PTPRN2: variants seen among roughly 807,000 people sequenced by gnomAD.
PTPRN2 encodes the protein receptor-type tyrosine-protein phosphatase N2.
Under a neutral mutation model 118.8 loss-of-function variants are expected in PTPRN2, and 74 were observed. The observed-to-expected ratio is 0.62, with a 90% CI of 0.52 to 0.76. The LOEUF is 0.76. PTPRN2 is among the 30% of genes least tolerant of loss of function. The pLI is 0.00. For missense variants in PTPRN2, 1,481 were observed against 1,394.4 expected, an observed-to-expected ratio of 1.06 and a Z score of -0.99; for synonymous variants, 641 against 608.0, an observed-to-expected ratio of 1.05 and a Z score of -0.80.
rs1804164394 is a variant in PTPRN2 at position 157,990,490 on chromosome 7, C to T, written c.1723+90808G>A. ...CCCTCTCCCCAAGGCTTGGGCCACACTCCATGCCACCATGCCCAACGGTCC... is the reference window on the plus strand; with the variant it reads ...CCCTCTCCCCAAGGCTTGGGCCACATTCCATGCCACCATGCCCAACGGTCC... On this transcript the variant is annotated intron_variant, in intron 11 of 22. Coordinates refer to ENST00000389418, the MANE Select transcript of PTPRN2 (RefSeq NM_002847.5). This position sits in a 1 kb window ranked among gnomAD's most constrained non-coding sequence, Gnocchi z 4.3. 6.6e-6 allele frequency among the ~76,000 whole-genome samples: 1 copy of T among 152,128 alleles called. No homozygotes were observed. The highest frequency in any genetic ancestry group is 2.4e-5 in the African/African-American group (1 of 41,448).
At chr7:157,803,829 T>C (rs1805467603) in intron 12 of PTPRN2, among the ~76,000 whole-genome samples, 1 of 152,056 alleles carries the variant, frequency 6.6e-6, no homozygotes, top group Admixed American at 6.6e-5. Context: ...CTTTGTAATA[T>C]ATTTTGGAAT....
intron 3 of PTPRN2, among the ~76,000 whole-genome samples, chr7:158,303,716 G>A (rs1317139998): frequency 6.6e-6 from 1 of 152,234 alleles, no homozygotes; most frequent in Non-Finnish European, 1.5e-5. Context: ...AGAATTTTTA[G>A]GAGATGCTGA....
chr7:158,038,140 T>C (rs925335441), intron 11 of PTPRN2, among the ~76,000 whole-genome samples: 5 of 152,186 alleles, frequency 3.3e-5, no homozygotes, highest in African/African-American at 1.2e-4. Flanking sequence ...GAAATTCATG[T>C]ATAAAGTAAG....
chr7:158,499,093 A>C (rs932943071), intron 1 of PTPRN2, among the ~76,000 whole-genome samples: 7 of 152,230 alleles, frequency 4.6e-5, no homozygotes, highest in African/African-American at 1.7e-4. Flanking sequence ...TCATTGTTAA[A>C]GCACCAAAGC....
In PTPRN2 at chr7:158,522,266, CA is replaced by C. The variant is rs1327137624; in HGVS notation, c.113-32482del. Among the ~76,000 whole-genome samples the C allele has an allele frequency of 4.0e-3, 269 of 66,744 alleles. 36 individuals carry two copies. The highest frequency in any genetic ancestry group is 7.1e-3 in the African/African-American group (93 of 13,120). 43.8% of individuals were successfully genotyped at this position (66,744 alleles called of 152,430 possible). ...GTCCACGTCACAATGGTGGACTGTC[CA>C]GGTGCTGGCTCGGGAGGGAGGTCCA... On this transcript the variant is annotated intron_variant, in intron 1 of 22. Coordinates refer to ENST00000389418, the MANE Select transcript of PTPRN2 (RefSeq NM_002847.5).
chr7:157,757,455 G>A (rs1801856124), intron 12 of PTPRN2, among the ~76,000 whole-genome samples: 1 of 152,158 alleles, frequency 6.6e-6, no homozygotes, highest in African/African-American at 2.4e-5. Context: ...GTGGGGACAA[G>A]GAGGACCCCG....
chr7:158,281,562 G>A (rs935121697), intron 3 of PTPRN2, among the ~76,000 whole-genome samples: 1 of 152,246 alleles, frequency 6.6e-6, no homozygotes, highest in African/African-American at 2.4e-5. Context: ...GCACAGAGGT[G>A]CATGGAAATG....
At chr7:158,369,674 CAG>C (rs1809810681) in intron 2 of PTPRN2, among the ~76,000 whole-genome samples, 1 of 152,148 alleles carries the variant, frequency 6.6e-6, no homozygotes, top group South Asian at 2.1e-4. Flanking sequence ...CAAACATACA[CAG>C]AGAAACTGGA....
rs186906889 is a variant in PTPRN2, at chr7:157,824,068, C to T, written c.1788+74605G>A. On this transcript the variant is annotated intron_variant, in intron 12 of 22. Transcript: ENST00000389418. ...GAACTGATGCATCTCAAGTCACCTT[C>T]GCTCTGCCATCAGTAACAATCCCCC... is the stretch of plus-strand genomic sequence containing the variant. Among the ~76,000 whole-genome samples the T allele has an allele frequency of 3.1e-3, 479 of 152,320 alleles. 4 individuals carry two copies. The highest frequency in any genetic ancestry group is 1.1e-3 in the Non-Finnish European group (74 of 68,028).
At chr7:158,409,525 A>G (rs1033248539) in intron 2 of PTPRN2, among the ~76,000 whole-genome samples, 1 of 152,220 alleles carries the variant, frequency 6.6e-6, no homozygotes, top group Non-Finnish European at 1.5e-5. Context: ...TGCCTTCTGA[A>G]GCTGGTTTCC....
At chr7:157,976,994 G>T (rs578241928) in intron 11 of PTPRN2, among the ~76,000 whole-genome samples, 1 of 151,914 alleles carries the variant, frequency 6.6e-6, no homozygotes, top group South Asian at 2.1e-4. Context: ...TATAGATTTC[G>T]TCAAATTTCA....
At chr7:158,450,494 G>A (rs1334711554) in intron 2 of PTPRN2, among the ~76,000 whole-genome samples, 1 of 152,112 alleles carries the variant, frequency 6.6e-6, no homozygotes, top group African/African-American at 2.4e-5. Flanking sequence ...CATCCAAACA[G>A]CACTCAAGAA....
rs1204512721 is a variant in PTPRN2, at chr7:157,898,799, C to T, written c.1724-62G>A. 5.0e-6 allele frequency: 7 copies of T among 1,410,336 alleles called. No individual in the cohort carries two copies. The African/African-American group carries it at 8.5e-5, about 17-fold the overall frequency. 87.4% of individuals were successfully genotyped at this position (1,410,336 alleles called of 1,614,324 possible). ...GGAGAGGTCCTCAGTCTCCGGGCAC[C>T]TCTGAGTATTTTCCTCCATTGAAAA... On this transcript the variant is annotated intron_variant, in intron 11 of 22. Coordinates refer to ENST00000389418, the MANE Select transcript of PTPRN2 (RefSeq NM_002847.5).
Position 158,242,667 on chromosome 7 carries a change from A to G in PTPRN2, c.278-37394T>C, listed in dbSNP as rs571007229. Among the ~76,000 whole-genome samples, 6 of 152,302 alleles carry G rather than the reference A, an allele frequency of 3.9e-5. No homozygotes were observed. In the East Asian group the frequency reaches 5.8e-4, roughly 15 times the overall value. On this transcript the variant is annotated intron_variant, in intron 3 of 22. Transcript: ENST00000389418. The stretch of plus-strand genomic sequence containing the variant: ...GCAATGAAAACATCCGTTCGTGGGC[A>G]TTATTTTGGCTGAGACATTTTATTA...
At chr7:158,523,416 AGTCTGCCCTGAAGCG>A (rs1824386563) in intron 1 of PTPRN2, among the ~76,000 whole-genome samples, 2 of 130,108 alleles carry the variant, frequency 1.5e-5, no homozygotes, top group Non-Finnish European at 3.4e-5. Context: ...CCTGGAGCGG[AGTCTGCCCTGAAGCG>A]GAGTCTGCCC....
chr7:157,931,124 G>A (rs557250978), intron 11 of PTPRN2, among the ~76,000 whole-genome samples: 4 of 152,254 alleles, frequency 2.6e-5, no homozygotes, highest in East Asian at 1.9e-4. Context: ...CATGAGCTGC[G>A]GTGCCTGGCA....
chr7:158,268,314 T>C (rs569412176), intron 3 of PTPRN2, among the ~76,000 whole-genome samples: 9 of 143,790 alleles, frequency 6.3e-5, no homozygotes, highest in African/African-American at 2.4e-4. Flanking sequence ...GTGTGAAATA[T>C]CCCAGCCGCA....
At chr7:158,262,699 C>G (rs1387111382) in intron 3 of PTPRN2, among the ~76,000 whole-genome samples, 2 of 150,220 alleles carry the variant, frequency 1.3e-5, no homozygotes, top group African/African-American at 4.9e-5. Context: ...TTCACACACA[C>G]TGCACAGATT....
At chr7:157,870,227 T>C (rs1335286130) in intron 12 of PTPRN2, among the ~76,000 whole-genome samples, 2 of 152,216 alleles carry the variant, frequency 1.3e-5, no homozygotes, top group Non-Finnish European at 2.9e-5. Context: ...GAGATGTCTA[T>C]GGTGTTGGCT....
Sources: gnomAD v4.1 joint callset for allele counts (sites outside exome capture counted in the v4.1 genomes callset) on GRCh38, gnomAD v4.1.1 for gene constraint, Gnocchi (gnomAD v3.1) non-coding constraint, MANE v1.5 for transcripts, NCBI Gene and HGNC (gene_info 2026-07-23, HGNC 2026-07-21) for gene names.